Variants in CDKL4 observed in about 807,000 individuals in gnomAD.
CDKL4 encodes the protein cyclin-dependent kinase-like 4.
A neutral mutation model predicts 42.0 loss-of-function variants in CDKL4; 44 were observed. That is an observed-to-expected ratio of 1.05 (90% CI 0.82 to 1.35). The LOEUF (loss-of-function observed/expected upper bound fraction) is 1.35. Among genes scored for constraint, CDKL4 ranks in the 40% most tolerant of loss-of-function variants. The pLI is 0.00. For synonymous variants in CDKL4, 120 were observed against 121.6 expected (o/e 0.99, Z 0.09); for missense variants, 393 against 369.9 (o/e 1.06, Z -0.51).
At chr2:39,189,680 A>T (rs1676058158) in intron 6 of CDKL4, among the ~76,000 whole-genome samples, 1 of 152,244 alleles carries the variant, frequency 6.6e-6, no homozygotes, top group African/African-American at 2.4e-5. Context: ...GCAGATTTTT[A>T]AAAGTCAAAA....
rs774682653 is a variant in CDKL4 at position 39,225,980 on chromosome 2, CAA to C, written c.169-22_169-21del. The C allele has an allele frequency of 1.2e-5, 20 of 1,603,102 alleles. No individual in the cohort carries two copies. On this transcript the variant is annotated intron_variant, in intron 2 of 9. Coordinates refer to ENST00000451199, the Ensembl canonical transcript of CDKL4. ...TAATTGCTGTGAAAGAATTGAAATG[CAA>C]AGTTAAGTGATCTGTTACTAGTAAA... is the stretch of plus-strand genomic sequence containing the variant.
intron 4 of CDKL4, among the ~76,000 whole-genome samples, chr2:39,205,426 C>T (rs1313582464): frequency 6.6e-6 from 1 of 151,548 alleles, no homozygotes; most frequent in African/African-American, 2.4e-5. Context: ...TTAGAATGAC[C>T]ATATTATTTA....
At chr2:39,186,495 C>A (rs918047212) in intron 7 of CDKL4, among the ~76,000 whole-genome samples, 2 of 152,074 alleles carry the variant, frequency 1.3e-5, no homozygotes, top group Non-Finnish European at 2.9e-5. Flanking sequence ...AGAGCATAGC[C>A]TGAACTTAGG....
chr2:39,177,275 G>A (rs6706711), intron 9 of CDKL4, among the ~76,000 whole-genome samples: 1 of 151,974 alleles, frequency 6.6e-6, no homozygotes, highest in Non-Finnish European at 1.5e-5. Context: ...ACCCAACCCC[G>A]TCGAGGCGAG....
chr2:39,219,427 A>T (rs575512877), intron 3 of CDKL4, among the ~76,000 whole-genome samples: 212 of 149,250 alleles, frequency 1.4e-3, no homozygotes, highest in African/African-American at 5.0e-3. Context: ...TTATTTATTT[A>T]TTTATTTTTT....
chr2:39,239,099 T>C lies in CDKL4; in HGVS notation c.-57+4772A>G, dbSNP rs75463948. On this transcript the variant is annotated intron_variant, in intron 1 of 9. Coordinates refer to ENST00000451199, the Ensembl canonical transcript of CDKL4. ...CTGCAGCAATTCGACAAGGAAAGAATAGTCTTTTCAACAAATGATACTAGG... is the reference window on the plus strand; with the variant it reads ...CTGCAGCAATTCGACAAGGAAAGAACAGTCTTTTCAACAAATGATACTAGG... Among the ~76,000 whole-genome samples the C allele has an allele frequency of 1.3e-3, 199 of 152,316 alleles. 4 individuals are homozygous for C. In the East Asian group the frequency reaches 0.036, roughly 27 times the overall value.
intron 3 of CDKL4, among the ~76,000 whole-genome samples, chr2:39,215,989 A>G (rs1398212764): frequency 6.6e-6 from 1 of 152,208 alleles, no homozygotes; most frequent in Non-Finnish European, 1.5e-5. Context: ...CTGAAACAAC[A>G]TTGCGTACAC....
chr2:39,233,526 G>A (rs914729693), intron 1 of CDKL4, among the ~76,000 whole-genome samples: 1 of 152,102 alleles, frequency 6.6e-6, no homozygotes, highest in Non-Finnish European at 1.5e-5. Context: ...CACTAAGACA[G>A]GGAAAAAGTG....
intron 5 of CDKL4, among the ~76,000 whole-genome samples, chr2:39,196,265 C>T (rs1330941103): frequency 3.4e-4 from 52 of 152,246 alleles, no homozygotes; most frequent in Admixed American, 3.4e-3. Flanking sequence ...ATAGAGTCCA[C>T]TTCACTCCCC....
intron 4 of CDKL4, among the ~76,000 whole-genome samples, chr2:39,212,977 G>C (rs1222653028): frequency 9.2e-5 from 14 of 151,834 alleles, no homozygotes; most frequent in Non-Finnish European, 1.8e-4. Context: ...AATTATTCTC[G>C]CCCAATTTAA....
chr2:39,247,116 T>C (rs1218474977), upstream of CDKL4, among the ~76,000 whole-genome samples: 2 of 152,180 alleles, frequency 1.3e-5, no homozygotes, highest in African/African-American at 4.8e-5. Flanking sequence ...TGAATACTGG[T>C]TGGGAATTAA....
upstream of CDKL4, among the ~76,000 whole-genome samples, chr2:39,245,006 C>T (rs761946258): frequency 2.2e-4 from 33 of 152,160 alleles, no homozygotes; most frequent in Non-Finnish European, 3.7e-4. Context: ...GTAAACACAC[C>T]AGTCAGCACC....
At chr2:39,173,097 C>G (rs1022502554), downstream of CDKL4, among the ~76,000 whole-genome samples, 1 of 152,108 alleles carries the variant, frequency 6.6e-6, no homozygotes, top group African/African-American at 2.4e-5. Context: ...TTATTTGAAA[C>G]ATAATTACAA....
chr2:39,244,939 C>T (rs1220884560), upstream of CDKL4, among the ~76,000 whole-genome samples: 1 of 152,000 alleles, frequency 6.6e-6, no homozygotes, highest in Non-Finnish European at 1.5e-5. Flanking sequence ...TGTCGCTACT[C>T]TGTATCTAAC....
chr2:39,236,982 T>C (rs543662399), intron 1 of CDKL4, among the ~76,000 whole-genome samples: 117 of 152,306 alleles, frequency 7.7e-4, no homozygotes, highest in African/African-American at 2.8e-3. Context: ...TTAGTATCAA[T>C]CCTTTGCAAA....
intron 2 of CDKL4, among the ~76,000 whole-genome samples, chr2:39,226,546 GTGTT>G (rs1259719721): frequency 7.4e-5 from 11 of 147,946 alleles, no homozygotes; most frequent in African/African-American, 2.2e-4. Flanking sequence ...GATATTTTGT[GTGTT>G]AAATTCTATT....
At chr2:39,202,191 C>T (rs969288125) in intron 5 of CDKL4, among the ~76,000 whole-genome samples, 2 of 152,050 alleles carry the variant, frequency 1.3e-5, no homozygotes, top group African/African-American at 2.4e-5. Flanking sequence ...GAGATCACAC[C>T]GCTGCACTCC....
intron 5 of CDKL4, among the ~76,000 whole-genome samples, chr2:39,199,110 G>C (rs1676695335): frequency 6.6e-6 from 1 of 151,958 alleles, no homozygotes. Context: ...ACCAATAAAA[G>C]AAGAGAGAAG....
intron 4 of CDKL4, among the ~76,000 whole-genome samples, chr2:39,205,263 A>AC (rs1360001650): frequency 6.6e-6 from 1 of 152,194 alleles, no homozygotes; most frequent in Non-Finnish European, 1.5e-5. Flanking sequence ...TCCTATTTAA[A>AC]CCGTAAGAGG....
Sources: gnomAD v4.1 joint callset for allele counts (sites outside exome capture counted in the v4.1 genomes callset) on GRCh38, gnomAD v4.1.1 for gene constraint, MANE v1.5 for transcripts, NCBI Gene and HGNC (gene_info 2026-07-23, HGNC 2026-07-21) for gene names.